GLIS3: variants seen among roughly 807,000 people sequenced by gnomAD.
GLIS3 encodes GLIS family zinc finger 3, also known as zinc finger protein GLIS3.
A neutral mutation model predicts 78.6 loss-of-function variants in GLIS3; 53 were observed. The observed-to-expected ratio is 0.67, with a 90% confidence interval of 0.54 to 0.85. GLIS3 has a LOEUF of 0.85. GLIS3 is among the 40% of genes least tolerant of loss of function. The pLI, the probability that GLIS3 is intolerant of heterozygous loss-of-function variation, is 0.00. For missense variants in GLIS3, 1,703 were observed against 1,231.1 expected (o/e 1.38, Z -5.74); for synonymous variants, 684 against 509.9 (o/e 1.34, Z -4.60).
intron 2 of GLIS3, among the ~76,000 whole-genome samples, chr9:4,245,561 G>A (rs963822724): frequency 6.6e-6 from 1 of 152,218 alleles, no homozygotes; most frequent in Non-Finnish European, 1.5e-5. Flanking sequence ...TGCAGTGGAT[G>A]CTAAATACGT....
At chr9:4,319,736 C>T (rs1011209956) in intron 2 of GLIS3, among the ~76,000 whole-genome samples, 4 of 152,074 alleles carry the variant, frequency 2.6e-5, no homozygotes, top group Non-Finnish European at 5.9e-5. Context: ...CACTATGTTG[C>T]CCAGGATGGT....
intron 4 of GLIS3, among the ~76,000 whole-genome samples, chr9:3,951,599 A>T (rs1816683251): frequency 6.6e-6 from 1 of 151,634 alleles, no homozygotes; most frequent in African/African-American, 2.4e-5. Context: ...ATTTATAAGA[A>T]AAAATAAAAA....
the GLIS3 span, among the ~76,000 whole-genome samples, chr9:4,429,243 A>G: frequency 3.3e-5 from 5 of 152,158 alleles, no homozygotes; most frequent in East Asian, 9.7e-4. Context: ...CTTTCCCGCT[A>G]TTCTTAAGAT....
chr9:4,388,946 C>T, the GLIS3 span, among the ~76,000 whole-genome samples: 1 of 152,090 alleles, frequency 6.6e-6, no homozygotes, highest in African/African-American at 2.4e-5. Flanking sequence ...TTCAAGAAGT[C>T]AGAAAGTGAA....
At chr9:4,291,222 A>G (rs918786267) in intron 1 of GLIS3, among the ~76,000 whole-genome samples, 1 of 152,118 alleles carries the variant, frequency 6.6e-6, no homozygotes, top group Non-Finnish European at 1.5e-5. Flanking sequence ...CAATATAATC[A>G]CCAATAAGAC....
chr9:4,333,949 T>A (rs1817719310), intron 2 of GLIS3, among the ~76,000 whole-genome samples: 1 of 152,212 alleles, frequency 6.6e-6, no homozygotes, highest in Non-Finnish European at 1.5e-5. Context: ...TGGTGCCACC[T>A]TGTCTGCTCT....
the GLIS3 span, chr9:4,386,667 C>G: frequency 4.6e-5 from 7 of 152,288 alleles, no homozygotes; most frequent in African/African-American, 1.7e-4. Flanking sequence ...GAAATACCCC[C>G]TAGAGGATTC....
At chr9:4,191,449 T>C (rs1818326125) in intron 2 of GLIS3, among the ~76,000 whole-genome samples, 1 of 152,212 alleles carries the variant, frequency 6.6e-6, no homozygotes, top group African/African-American at 2.4e-5. Flanking sequence ...AAGAGGGGAA[T>C]TTAAGATGGA....
rs200448728 is a variant in GLIS3, at chr9:4,286,201, A to G, written c.225T>C (p.Ala75=). 1.9e-6 allele frequency: 3 copies of G among 1,614,222 alleles called. No individual in the cohort carries two copies. Among genetic ancestry groups the G allele is most frequent in the Non-Finnish European group, 2.5e-6 (3 of 1,180,034 alleles). The change falls in exon 2 of 11, where the codon GCT becomes GCC. Residue 75 remains alanine, a synonymous_variant. Transcript: ENST00000381971. The part of the protein sequence containing the change: ...GGGMAPQNNV[A]ESRIHLPALS... Reference sequence around the variant, plus strand: ...AGGCAGGCAGATGGATGCGGCTCTCAGCCACGTTGTTCTGAGGAGCCATCC... The same window carrying G: ...AGGCAGGCAGATGGATGCGGCTCTCGGCCACGTTGTTCTGAGGAGCCATCC...
In GLIS3 at chr9:4,089,709, CTTGGGAGGCTGAG is replaced by C. The variant is rs1459266338; in HGVS notation, c.1710+28046_1710+28058del. On this transcript the variant is annotated intron_variant, in intron 4 of 10. Coordinates refer to ENST00000381971, the MANE Select transcript of GLIS3 (RefSeq NM_001042413.2). ...TGGTGTATACATGTAATCTCAGCTA[CTTGGGAGGCTGAG>C]GTGGGAGGATCGCTTGAGTCCAGGA... 2.0e-5 allele frequency among the ~76,000 whole-genome samples: 3 copies of C among 152,112 alleles called. No individual in the cohort carries two copies. In the East Asian group the frequency reaches 5.8e-4, roughly 29 times the overall value.
intron 9 of GLIS3, among the ~76,000 whole-genome samples, chr9:3,833,516 C>T (rs1394811871): frequency 6.6e-6 from 1 of 150,774 alleles, no homozygotes; most frequent in Non-Finnish European, 1.5e-5. Flanking sequence ...AAGATGTTAA[C>T]ACATTTTGTG....
intron 9 of GLIS3, among the ~76,000 whole-genome samples, chr9:3,847,056 C>T (rs1227025605): frequency 2.0e-5 from 3 of 152,022 alleles, no homozygotes; most frequent in Admixed American, 6.6e-5. Context: ...CAGTGGCAAG[C>T]GCCTGTAATC....
rs1486958784 is a variant in GLIS3 at position 4,267,156 on chromosome 9, TC to T, written c.388+18881del. ...ACACCCACCCCCACACACACCCATG[TC>T]CCCTTCCTTAACCTTATAGGGTTTC... is the stretch of plus-strand genomic sequence containing the variant. On this transcript the variant is annotated intron_variant, in intron 2 of 10. Coordinates refer to ENST00000381971, the MANE Select transcript of GLIS3 (RefSeq NM_001042413.2). Among the ~76,000 whole-genome samples, 5 of 152,076 alleles carry T rather than the reference TC, an allele frequency of 3.3e-5. No individual in the cohort carries two copies. The East Asian group carries it at 9.6e-4, about 29-fold the overall frequency.
the GLIS3 span, among the ~76,000 whole-genome samples, chr9:4,365,191 T>C: frequency 1.3e-5 from 2 of 152,098 alleles, no homozygotes; most frequent in African/African-American, 4.8e-5. Flanking sequence ...GAAAGGTAGT[T>C]GGAATAGAGA....
the GLIS3 span, among the ~76,000 whole-genome samples, chr9:4,453,805 A>C: frequency 1.3e-5 from 2 of 152,072 alleles, no homozygotes; most frequent in Non-Finnish European, 2.9e-5. Context: ...CAATGAGAAC[A>C]CTTGGACACA....
chr9:3,833,750 T>C (rs137913254), intron 9 of GLIS3, among the ~76,000 whole-genome samples: 4 of 152,330 alleles, frequency 2.6e-5, no homozygotes, highest in Non-Finnish European at 5.9e-5. Context: ...GTTGTTATTA[T>C]ACATTTAATT....
rs1038891076 is a variant in GLIS3 at position 3,829,421 on chromosome 9, T to G, written c.2545A>C (p.Ser849Arg). 1 of 1,613,984 alleles carries G rather than the reference T, an allele frequency of 6.2e-7. No individual in the cohort carries two copies. The highest frequency in any genetic ancestry group is 1.3e-5 in the African/African-American group (1 of 74,908). ...AACGAAGGCACCACACTGCAGGAGC[T>G]GACAGGCGGCACAATTCTCTGGGAA... The part of the protein sequence containing the change: ...PDSQRIVPPV[S>R]SCSVVPSFED... The change falls in exon 10 of 11, where the codon AGC becomes CGC. Residue 849 changes from serine (S) to arginine (R), a missense_variant. Transcript: ENST00000381971.
intron 6 of GLIS3, among the ~76,000 whole-genome samples, chr9:3,907,704 T>A (rs1823820397): frequency 6.6e-6 from 1 of 151,784 alleles, no homozygotes; most frequent in South Asian, 2.1e-4. Context: ...GCTGAGACGT[T>A]ATGTTCCAGA....
At chr9:4,031,257 T>C (rs1267757481) in intron 4 of GLIS3, among the ~76,000 whole-genome samples, 1 of 152,102 alleles carries the variant, frequency 6.6e-6, no homozygotes, top group Non-Finnish European at 1.5e-5. Flanking sequence ...GATGAATGAA[T>C]AGGTAAACAA....
Sources: gnomAD v4.1 joint callset for allele counts (sites outside exome capture counted in the v4.1 genomes callset) on GRCh38, gnomAD v4.1.1 for gene constraint, MANE v1.5 for transcripts, NCBI Gene and HGNC (gene_info 2026-07-23, HGNC 2026-07-21) for gene names.